Variants in MATN2 observed in about 807,000 individuals in gnomAD.
The protein encoded by MATN2 is matrilin-2.
Under a neutral mutation model 103.2 loss-of-function variants are expected in MATN2, and 69 were observed. That is an observed-to-expected ratio of 0.67 (90% CI 0.55 to 0.82). The LOEUF is 0.82. Ranked by LOEUF, MATN2 falls within the 40% of genes least tolerant of loss-of-function variation. MATN2 has a pLI of 0.00. For synonymous variants in MATN2, 429 were observed against 450.2 expected, an observed-to-expected ratio of 0.95 and a Z score of 0.60; for missense variants, 1,023 against 1,211.5, an observed-to-expected ratio of 0.84 and a Z score of 2.31.
chr8:97,996,693 C>T (rs1369371145), intron 7 of MATN2, among the ~76,000 whole-genome samples: 5 of 152,186 alleles, frequency 3.3e-5, no homozygotes, highest in African/African-American at 1.2e-4. Context: ...GCACTCAGTC[C>T]ATTAGGGCAG....
chr8:98,024,682 C>A lies in MATN2; in HGVS notation c.1943-2734C>A, dbSNP rs531372780. 1.8e-4 allele frequency among the ~76,000 whole-genome samples: 28 copies of A among 152,344 alleles called. 1 individual carries two copies. The South Asian group carries it at 5.8e-3, about 32-fold the overall frequency. ...GATGCTGTAAAGAGGATGTAAGCAACAGCAGGGCTGGAGTAGATGATCTTT... is the reference window on the plus strand; with the variant it reads ...GATGCTGTAAAGAGGATGTAAGCAAAAGCAGGGCTGGAGTAGATGATCTTT... On this transcript the variant is annotated intron_variant, in intron 13 of 18. Transcript: ENST00000254898.
intron 10 of MATN2, among the ~76,000 whole-genome samples, chr8:98,011,148 C>T (rs758911175): frequency 7.2e-5 from 11 of 152,152 alleles, no homozygotes; most frequent in Non-Finnish European, 1.5e-4. Context: ...GGTGAGAGAG[C>T]AAAAGAGTGC....
rs1272085610 is a variant in MATN2 at position 97,937,317 on chromosome 8, G to A, written c.713-4460G>A. Among the ~76,000 whole-genome samples the A allele has an allele frequency of 1.3e-5, 2 of 152,260 alleles. 1 individual carries two copies. Among genetic ancestry groups the A allele is most frequent in the South Asian group, 4.1e-4 (2 of 4,822 alleles). ...ATAGGTGTCTGTACTGAGGTCCCTA[G>A]AGGCTGTCCATGCCTTTACTCTACA... is the stretch of plus-strand genomic sequence containing the variant. On this transcript the variant is annotated intron_variant, in intron 3 of 18. Transcript: ENST00000254898.
Position 97,961,539 on chromosome 8 carries a change from C to A in MATN2, c.958+9C>A. 3 of 1,607,336 alleles carry A rather than the reference C, an allele frequency of 1.9e-6. No homozygotes were observed. In the South Asian group the frequency reaches 3.3e-5, roughly 18 times the overall value. ...TGGGAAGAGGTGTGTGGGTGAGTAT[C>A]CCTCCAGCTGGGCTTGGTAGGGAAG... On this transcript the variant is annotated intron_variant, in intron 5 of 18. Transcript: ENST00000254898.
chr8:97,953,730 C>T lies in MATN2; in HGVS notation c.836-7678C>T, dbSNP rs559474768. On this transcript the variant is annotated intron_variant, in intron 4 of 18. Transcript: ENST00000254898. ...GCTTGAACCTAGGAGGCGGAGAATG[C>T]GGTGAGCCAAGATAGCGCCATTGCA... is the stretch of plus-strand genomic sequence containing the variant. 6.5e-4 allele frequency among the ~76,000 whole-genome samples: 95 copies of T among 146,582 alleles called. 1 individual carries two copies. Among genetic ancestry groups the T allele is most frequent in the African/African-American group, 2.2e-3 (87 of 39,526 alleles).
chr8:97,959,321 T>C (rs1275813327), intron 4 of MATN2, among the ~76,000 whole-genome samples: 1 of 152,262 alleles, frequency 6.6e-6, no homozygotes, highest in East Asian at 1.9e-4. Context: ...TTCACCATGA[T>C]ATCCCCAATG....
At position 98,036,643 on chromosome 8, in the gene MATN2, T is replaced by A. The variant is rs547492823; in HGVS notation, c.*931T>A. 20 of 152,324 alleles carry A rather than the reference T, an allele frequency of 1.3e-4. No homozygotes were observed. Among genetic ancestry groups the A allele is most frequent in the Admixed American group, 6.5e-4 (10 of 15,298 alleles). The allele number at this position is 152,324 out of a possible 1,614,324, so 9.4% of individuals were successfully genotyped here. A position where few individuals can be genotyped will look rare whatever the true frequency, so the allele number is the denominator to read the frequency against. On this transcript the variant is annotated 3_prime_UTR_variant, in exon 19 of 19. Transcript: ENST00000254898. Reference sequence around the variant, plus strand: ...GAAGGGGAACTGATAAACTCTGGTGTAATCCATACCACAGAAATACAACAC... The same window carrying A: ...GAAGGGGAACTGATAAACTCTGGTGAAATCCATACCACAGAAATACAACAC...
At chr8:97,880,414 G>A (rs1225927060) in intron 1 of MATN2, among the ~76,000 whole-genome samples, 1 of 152,156 alleles carries the variant, frequency 6.6e-6, no homozygotes, top group Non-Finnish European at 1.5e-5. Context: ...TGGCTAGTGA[G>A]CCTTATCTCT....
At chr8:98,034,916 T>TAAA (rs397970246) in intron 18 of MATN2, among the ~76,000 whole-genome samples, 2,210 of 130,796 alleles carry the variant, frequency 0.017, 50 homozygotes, top group African/African-American at 0.058. Flanking sequence ...GAATCACAAT[T>TAAA]AAAAAAAAAA....
At chr8:97,923,551 C>T (rs796288833) in intron 2 of MATN2, among the ~76,000 whole-genome samples, 1 of 128,952 alleles carries the variant, frequency 7.8e-6, no homozygotes. Context: ...CTCTCTCTCT[C>T]TCTCTCTGTC....
chr8:98,010,170 C>G (rs1198443311), intron 10 of MATN2, among the ~76,000 whole-genome samples: 1 of 152,146 alleles, frequency 6.6e-6, no homozygotes, highest in Non-Finnish European at 1.5e-5. Context: ...GCAAGTCCCC[C>G]ATTCTCTGAA....
At chr8:97,910,980 AGTTT>A (rs150027796) in intron 2 of MATN2, among the ~76,000 whole-genome samples, 2,726 of 152,184 alleles carry the variant, frequency 0.018, 87 homozygotes, top group African/African-American at 0.062. Context: ...TATTTAACTT[AGTTT>A]ATTTATTTAT....
intron 5 of MATN2, among the ~76,000 whole-genome samples, chr8:97,962,859 G>A (rs1007128536): frequency 6.6e-6 from 1 of 152,130 alleles, no homozygotes; most frequent in African/African-American, 2.4e-5. Flanking sequence ...TGTTGGACAG[G>A]TGCGATGGCT....
intron 13 of MATN2, among the ~76,000 whole-genome samples, chr8:98,022,658 G>A (rs953959848): frequency 3.4e-5 from 4 of 118,898 alleles, no homozygotes; most frequent in African/African-American, 1.3e-4. Context: ...ACTTGGAGAA[G>A]CTACAGCTTA....
chr8:98,020,546 C>CT (rs1813552676), intron 12 of MATN2, among the ~76,000 whole-genome samples: 1 of 152,204 alleles, frequency 6.6e-6, no homozygotes, highest in African/African-American at 2.4e-5. Context: ...GGTACAACTT[C>CT]TACCTCTGGA....
chr8:97,926,939 C>T (rs1184156710), intron 2 of MATN2, among the ~76,000 whole-genome samples: 2 of 152,172 alleles, frequency 1.3e-5, no homozygotes, highest in Admixed American at 6.5e-5. Flanking sequence ...TTGGGGAATT[C>T]CCAGTGAGAT....
intron 4 of MATN2, among the ~76,000 whole-genome samples, chr8:97,959,676 A>AGTTTAAAACCT (rs1811244377): frequency 6.6e-6 from 1 of 152,182 alleles, no homozygotes; most frequent in Non-Finnish European, 1.5e-5. Context: ...TTAAAACCAG[A>AGTTTAAAACCT]ATTCTTATTT....
At chr8:97,980,472 T>C (rs1811979699) in intron 6 of MATN2, among the ~76,000 whole-genome samples, 1 of 152,012 alleles carries the variant, frequency 6.6e-6, no homozygotes, top group Non-Finnish European at 1.5e-5. Context: ...TTTCTCTTGG[T>C]GATCTTGGGC....
chr8:98,032,899 A>G (rs2069858118), intron 16 of MATN2, 143 bp from the exon 17 acceptor site: 1 of 610,126 alleles, frequency 1.6e-6, no homozygotes, highest in Non-Finnish European at 2.6e-6. Flanking sequence ...TCCACTGAAG[A>G]TAACAGTCTT....
Sources: gnomAD v4.1 joint callset for allele counts (sites outside exome capture counted in the v4.1 genomes callset) on GRCh38, gnomAD v4.1.1 for gene constraint, MANE v1.5 for transcripts, NCBI Gene and HGNC (gene_info 2026-07-23, HGNC 2026-07-21) for gene names.